NRF1: variants seen among roughly 807,000 people sequenced by gnomAD.
NRF1 encodes nuclear respiratory factor 1, also known as alpha palindromic-binding protein.
In NRF1, 5 loss-of-function variants were observed where a neutral mutation model predicts 58.5. That is an observed-to-expected ratio of 0.09 (90% confidence interval 0.04 to 0.18). NRF1 has a LOEUF of 0.18. Ranked by LOEUF, NRF1 falls within the 10% of genes least tolerant of loss-of-function variation. The pLI is 1.00. For missense variants in NRF1, 288 were observed against 657.7 expected, an observed-to-expected ratio of 0.44 and a Z score of 6.15; for synonymous variants, 224 against 246.7, an observed-to-expected ratio of 0.91 and a Z score of 0.86.
chr7:129,717,459 GTC>G (rs1377887806), intron 9 of NRF1, 83 bp downstream of exon 9: 101 of 1,410,448 alleles, frequency 7.2e-5, no homozygotes, highest in Admixed American at 2.4e-4. Flanking sequence ...AGAGAAATGT[GTC>G]TCTGTTTGCC....
intron 1 of NRF1, among the ~76,000 whole-genome samples, chr7:129,619,396 G>GTGTATATATA (rs1491323365): frequency 2.1e-5 from 1 of 47,358 alleles, no homozygotes; most frequent in Non-Finnish European, 3.3e-5. Context: ...TGGCATACGT[G>GTGTATATATA]TATATATATA....
intron 9 of NRF1, among the ~76,000 whole-genome samples, chr7:129,723,342 C>T (rs1350090549): frequency 6.6e-6 from 1 of 151,718 alleles, no homozygotes; most frequent in Non-Finnish European, 1.5e-5. Flanking sequence ...ACTCGGGAGG[C>T]TGAGGCAGGA....
At chr7:129,722,393 GAAAAAAA>G (rs113582154) in intron 9 of NRF1, among the ~76,000 whole-genome samples, 1 of 129,978 alleles carries the variant, frequency 7.7e-6, no homozygotes, top group Non-Finnish European at 1.7e-5. Flanking sequence ...CTCCGTCTCA[GAAAAAAA>G]AAAAAAAAAT....
At chr7:129,696,810 G>A (rs1003049778) in intron 5 of NRF1, among the ~76,000 whole-genome samples, 6 of 152,070 alleles carry the variant, frequency 3.9e-5, no homozygotes, top group Non-Finnish European at 7.4e-5. Context: ...ATTATGTGTT[G>A]CACTATTTTG....
chr7:129,686,844 A>G (rs1393081055), intron 4 of NRF1, among the ~76,000 whole-genome samples: 1 of 152,242 alleles, frequency 6.6e-6, no homozygotes, highest in African/African-American at 2.4e-5. Context: ...TAGGAGGCAT[A>G]AGTTGGAACA....
intron 10 of NRF1, among the ~76,000 whole-genome samples, chr7:129,729,465 T>C (rs892873792): frequency 6.6e-6 from 1 of 152,246 alleles, no homozygotes; most frequent in African/African-American, 2.4e-5. Context: ...ATCCTCAGTC[T>C]GTGACTGCCA....
chr7:129,623,727 TCTAAA>T (rs1170962604), intron 1 of NRF1, among the ~76,000 whole-genome samples: 1 of 152,220 alleles, frequency 6.6e-6, no homozygotes, highest in Non-Finnish European at 1.5e-5. Context: ...GCATTTAGTA[TCTAAA>T]CTAATGTCAT....
intron 3 of NRF1, 36 bp from the exon 4 acceptor site, chr7:129,677,596 T>A (rs1182871992): frequency 6.2e-7 from 1 of 1,610,370 alleles, no homozygotes; most frequent in South Asian, 1.1e-5. Flanking sequence ...TCCGTCTTTT[T>A]AAAACTTTTT....
intron 5 of NRF1, among the ~76,000 whole-genome samples, chr7:129,700,742 A>T (rs183986230): frequency 2.7e-4 from 41 of 152,196 alleles, no homozygotes; most frequent in Non-Finnish European, 5.1e-4. Flanking sequence ...ACACAGCAAG[A>T]CCTCATCTCT....
intron 5 of NRF1, among the ~76,000 whole-genome samples, chr7:129,700,733 C>T (rs1802804083): frequency 6.6e-6 from 1 of 152,028 alleles, no homozygotes; most frequent in African/African-American, 2.4e-5. Flanking sequence ...ACCTGGGCAA[C>T]ACAGCAAGAC....
At chr7:129,679,219 T>C (rs2151087122) in intron 4 of NRF1, among the ~76,000 whole-genome samples, 1 of 152,362 alleles carries the variant, frequency 6.6e-6, no homozygotes. Context: ...AGATGTTCTT[T>C]CAGGTTGGAA....
intron 9 of NRF1, among the ~76,000 whole-genome samples, chr7:129,720,642 TGGCA>T (rs1803301289): frequency 6.6e-6 from 1 of 152,068 alleles, no homozygotes; most frequent in African/African-American, 2.4e-5. Context: ...CTACGTGCAA[TGGCA>T]GGTTGGGGAA....
chr7:129,645,012 C>G (rs1490271365), intron 1 of NRF1, among the ~76,000 whole-genome samples: 1 of 150,896 alleles, frequency 6.6e-6, no homozygotes, highest in Non-Finnish European at 1.5e-5. Flanking sequence ...GTCAAAATTC[C>G]TAATGTGATC....
At chr7:129,737,642 GATGTAA>G (rs1803749199) in intron 10 of NRF1, among the ~76,000 whole-genome samples, 1 of 152,154 alleles carries the variant, frequency 6.6e-6, no homozygotes, top group South Asian at 2.1e-4. Context: ...AGTCCACTGA[GATGTAA>G]ATGTTAATTT....
rs145052844 is a variant in NRF1 at position 129,613,965 on chromosome 7, T to C, written c.-7+2141T>C. ...CTCTACTTAATCTTTTGGCCCATCC[T>C]TATTTGAAGTCCTTTAATTTCCTCA... On this transcript the variant is annotated intron_variant, in intron 1 of 10. Coordinates refer to ENST00000393232, the MANE Select transcript of NRF1 (RefSeq NM_005011.5). 1.1e-3 allele frequency among the ~76,000 whole-genome samples: 163 copies of C among 152,244 alleles called. 2 individuals carry two copies. The highest frequency in any genetic ancestry group is 0.01 in the Middle Eastern group (3 of 294).
At chr7:129,634,041 A>AAAAAATATATATATAT (rs1163693215) in intron 1 of NRF1, among the ~76,000 whole-genome samples, 2 of 113,810 alleles carry the variant, frequency 1.8e-5, no homozygotes, top group African/African-American at 7.5e-5. Flanking sequence ...AAAAAAAAAA[A>AAAAAATATATATATAT]AGATATATAT....
At chr7:129,687,852 T>C (rs569456757) in intron 4 of NRF1, among the ~76,000 whole-genome samples, 1 of 152,350 alleles carries the variant, frequency 6.6e-6, no homozygotes, top group South Asian at 2.1e-4. Context: ...ATGAGGTCAG[T>C]AATTCTGAGA....
chr7:129,658,505 C>T (rs1013633071), intron 2 of NRF1, among the ~76,000 whole-genome samples: 2 of 151,296 alleles, frequency 1.3e-5, no homozygotes, highest in African/African-American at 4.9e-5. Flanking sequence ...GATGACTGAT[C>T]ACTTGAGCCC....
chr7:129,726,919 C>A (rs1214305260), intron 9 of NRF1, among the ~76,000 whole-genome samples: 1 of 152,196 alleles, frequency 6.6e-6, no homozygotes, highest in African/African-American at 2.4e-5. Flanking sequence ...TTCACTATGG[C>A]TTGCAAGCAC....
Sources: gnomAD v4.1 joint callset for allele counts (sites outside exome capture counted in the v4.1 genomes callset) on GRCh38, gnomAD v4.1.1 for gene constraint, MANE v1.5 for transcripts, NCBI Gene and HGNC (gene_info 2026-07-23, HGNC 2026-07-21) for gene names.